MARCHF8: variants seen among roughly 807,000 people sequenced by gnomAD.
MARCHF8 encodes E3 ubiquitin-protein ligase MARCHF8.
Under a neutral mutation model 51.6 loss-of-function variants are expected in MARCHF8, and 40 were observed. That is an observed-to-expected ratio of 0.77 (90% CI 0.60 to 1.01). The LOEUF is 1.01. Ranked by LOEUF, MARCHF8 falls within the 50% of genes least tolerant of loss-of-function variation. MARCHF8 has a pLI of 0.00. For synonymous variants in MARCHF8, 263 were observed against 280.3 expected, an observed-to-expected ratio of 0.94 and a Z score of 0.62; for missense variants, 685 against 708.6, an observed-to-expected ratio of 0.97 and a Z score of 0.38.
intron 3 of MARCHF8, 27 bp downstream of exon 3, chr10:45,489,340 A>C (rs1358944034): frequency 6.3e-7 from 1 of 1,585,610 alleles, no homozygotes; most frequent in Non-Finnish European, 8.7e-7. Flanking sequence ...TCAAGGTAAT[A>C]AATAACATTT....
chr10:45,592,395 C>T (rs1439173542), intron 1 of MARCHF8, among the ~76,000 whole-genome samples: 4 of 152,106 alleles, frequency 2.6e-5, no homozygotes, highest in South Asian at 2.1e-4. Context: ...GAACAGTCCA[C>T]GGCTTTAGAA....
intron 2 of MARCHF8, among the ~76,000 whole-genome samples, chr10:45,509,930 C>T (rs968482256): frequency 6.6e-6 from 1 of 152,174 alleles, no homozygotes; most frequent in African/African-American, 2.4e-5. Flanking sequence ...AACTTAAGAA[C>T]TTTAAGGAAC....
At chr10:45,491,681 T>C (rs930874994) in intron 2 of MARCHF8, among the ~76,000 whole-genome samples, 6 of 152,264 alleles carry the variant, frequency 3.9e-5, no homozygotes, top group Non-Finnish European at 7.3e-5. Flanking sequence ...AGAATGTACT[T>C]ATAGGTAAAC....
At chr10:45,487,289 C>T (rs1297951622) in intron 3 of MARCHF8, among the ~76,000 whole-genome samples, 1 of 152,060 alleles carries the variant, frequency 6.6e-6, no homozygotes, top group Non-Finnish European at 1.5e-5. Context: ...GGTTTGCAAA[C>T]AGTTTTTTTT....
In MARCHF8 at chr10:45,463,627, G is replaced by A; in HGVS notation, c.612C>T (p.Thr204=). 2.6e-6 allele frequency: 4 copies of A among 1,550,668 alleles called. No individual in the cohort carries two copies. Among genetic ancestry groups the A allele is most frequent in the Admixed American group, 2.0e-5 (1 of 51,016 alleles). ...AATTGCCAAGAGGTTTGTGGTTCAG[G>A]GTTCTTTTTTCTTTATGATGAAACC... ...TNRFHHKEKR[T]LNHKPLGNSK... The change falls in exon 5 of 8, where the codon ACC becomes ACT. Residue 204 remains threonine (T), a synonymous_variant. Transcript: ENST00000453424.
intron 1 of MARCHF8, among the ~76,000 whole-genome samples, chr10:45,555,111 C>G (rs1480723948): frequency 1.3e-5 from 2 of 151,924 alleles, no homozygotes; most frequent in Admixed American, 6.6e-5. Flanking sequence ...TGCCTGTAAT[C>G]ACAGCTACTC....
intron 2 of MARCHF8, among the ~76,000 whole-genome samples, chr10:45,494,296 G>T (rs540774344): frequency 1.3e-5 from 2 of 152,322 alleles, no homozygotes; most frequent in Non-Finnish European, 2.9e-5. Flanking sequence ...AATACACCCT[G>T]GAAAGTAGAA....
At chr10:45,555,647 G>GGCAGGAGGATCGCTTGAGC (rs1234827814) in intron 1 of MARCHF8, among the ~76,000 whole-genome samples, 11 of 151,720 alleles carry the variant, frequency 7.3e-5, no homozygotes, top group Admixed American at 3.3e-4. Context: ...GGGAGGCTGA[G>GGCAGGAGGATCGCTTGAGC]GCAGGAGGAT....
intron 2 of MARCHF8, among the ~76,000 whole-genome samples, chr10:45,532,397 TTA>T (rs1337184737): frequency 6.6e-6 from 1 of 152,220 alleles, no homozygotes; most frequent in Non-Finnish European, 1.5e-5. Flanking sequence ...GACTAAATGT[TTA>T]TGTTTCCCAC....
At chr10:45,564,572 G>C (rs567971579) in intron 1 of MARCHF8, among the ~76,000 whole-genome samples, 43 of 152,170 alleles carry the variant, frequency 2.8e-4, no homozygotes, top group Admixed American at 7.2e-4. Context: ...GAAAATAATT[G>C]AAGATGCAAT....
intron 2 of MARCHF8, among the ~76,000 whole-genome samples, chr10:45,490,980 TG>T: frequency 6.6e-6 from 1 of 152,224 alleles, no homozygotes; most frequent in South Asian, 2.1e-4. Context: ...CATGCTTCAC[TG>T]AAGCCTCAAC....
chr10:45,493,231 AAAG>A (rs1424269004), intron 2 of MARCHF8, among the ~76,000 whole-genome samples: 1 of 152,228 alleles, frequency 6.6e-6, no homozygotes, highest in Non-Finnish European at 1.5e-5. Context: ...GCATCAATGT[AAAG>A]AAGTGGAATT....
intron 2 of MARCHF8, among the ~76,000 whole-genome samples, chr10:45,512,396 CG>C (rs1194324882): frequency 6.4e-5 from 9 of 141,172 alleles, no homozygotes; most frequent in East Asian, 2.2e-4. Context: ...GGAGGGAGGT[CG>C]GGGGGTCAGC....
At chr10:45,574,139 C>T (rs1244439783) in intron 1 of MARCHF8, among the ~76,000 whole-genome samples, 1 of 152,046 alleles carries the variant, frequency 6.6e-6, no homozygotes, top group Non-Finnish European at 1.5e-5. Context: ...ACCGATCATG[C>T]ACCTCTTACC....
chr10:45,545,536 A>G (rs2044109494), intron 1 of MARCHF8, among the ~76,000 whole-genome samples: 1 of 152,232 alleles, frequency 6.6e-6, no homozygotes, highest in South Asian at 2.1e-4. Flanking sequence ...TTAGTTGAAA[A>G]TTGAAATGGA....
chr10:45,557,649 T>C (rs2044267344), intron 1 of MARCHF8, among the ~76,000 whole-genome samples: 1 of 151,950 alleles, frequency 6.6e-6, no homozygotes, highest in Non-Finnish European at 1.5e-5. Context: ...GCAGAGGAAA[T>C]GAAGATAGGG....
intron 1 of MARCHF8, among the ~76,000 whole-genome samples, chr10:45,582,456 C>T (rs1413827718): frequency 1.3e-5 from 2 of 152,130 alleles, no homozygotes; most frequent in Non-Finnish European, 2.9e-5. Flanking sequence ...CAAGCTGTTA[C>T]AGTTAGCTAT....
At chr10:45,524,056 A>C (rs2043752007) in intron 2 of MARCHF8, among the ~76,000 whole-genome samples, 1 of 152,246 alleles carries the variant, frequency 6.6e-6, no homozygotes, top group African/African-American at 2.4e-5. Context: ...AGGACCTCAA[A>C]GTTGCACATA....
chr10:45,522,698 A>G (rs542951851), intron 2 of MARCHF8, among the ~76,000 whole-genome samples: 1 of 152,376 alleles, frequency 6.6e-6, no homozygotes, highest in African/African-American at 2.4e-5. Context: ...TGAATCCAAC[A>G]GCAGTGCCCT....
Sources: allele counts gnomAD v4.1 joint callset (sites outside exome capture counted in the v4.1 genomes callset), GRCh38; gene constraint gnomAD v4.1.1; transcripts MANE v1.5; gene names NCBI Gene and HGNC (gene_info 2026-07-23, HGNC 2026-07-21).